FGD5: variants seen among roughly 807,000 people sequenced by gnomAD.
FGD5 encodes FYVE, RhoGEF and PH domain-containing protein 5.
In FGD5, 28 loss-of-function variants were observed where a neutral mutation model predicts 133.4. The observed-to-expected ratio is 0.21, with a 90% CI of 0.16 to 0.29. FGD5 has a LOEUF of 0.29. FGD5 is among the 10% of genes least tolerant of loss of function. The pLI is 1.00. For missense variants in FGD5, 1,858 were observed against 1,895.2 expected, an observed-to-expected ratio of 0.98 and a Z score of 0.36; for synonymous variants, 810 against 776.5, an observed-to-expected ratio of 1.04 and a Z score of -0.72.
intron 1 of FGD5, among the ~76,000 whole-genome samples, chr3:14,845,617 G>A (rs947784502): frequency 1.3e-5 from 2 of 152,178 alleles, no homozygotes; most frequent in African/African-American, 2.4e-5. Context: ...GGATGTGGGA[G>A]AGTTTATCAA....
chr3:14,814,403 G>T (rs2036338853), upstream of FGD5, among the ~76,000 whole-genome samples: 1 of 152,078 alleles, frequency 6.6e-6, no homozygotes, highest in Non-Finnish European at 1.5e-5. Flanking sequence ...CTCTTTTCTG[G>T]GTCTTCTCTA....
intron 10 of FGD5, among the ~76,000 whole-genome samples, chr3:14,909,433 A>G (rs553574073): frequency 6.6e-6 from 1 of 152,370 alleles, no homozygotes; most frequent in Admixed American, 6.5e-5. Flanking sequence ...CCATATTCAT[A>G]AAAAAGAAGG....
intron 9 of FGD5, among the ~76,000 whole-genome samples, chr3:14,905,648 G>A (rs1187257136): frequency 6.6e-6 from 1 of 151,874 alleles, no homozygotes; most frequent in Non-Finnish European, 1.5e-5. Context: ...TTCCATCTCT[G>A]CCAAAATCCT....
upstream of FGD5, among the ~76,000 whole-genome samples, chr3:14,817,242 C>T (rs188748391): frequency 7.2e-5 from 11 of 152,208 alleles, no homozygotes; most frequent in South Asian, 8.3e-4. Flanking sequence ...GTCACCCAGG[C>T]GGGAGTTCAG....
chr3:14,923,155 C>T lies in FGD5; in HGVS notation c.3917C>T (p.Ala1306Val), dbSNP rs892642932. ...GGGGAGCTGAAGAAGCGGGGCAGGGCTGTCCCGGGCCTGATGAGAGGTAAC... is the reference window on the plus strand; with the variant it reads ...GGGGAGCTGAAGAAGCGGGGCAGGGTTGTCCCGGGCCTGATGAGAGGTAAC... ...CFGELKKRGR[A>V]VPGLMRERPV... The change falls in exon 16 of 20, where the codon GCT (alanine) becomes GTT (valine). Residue 1306 changes from alanine to valine, a missense_variant. Transcript: ENST00000285046. 4 of 1,613,478 alleles carry T rather than the reference C, an allele frequency of 2.5e-6. No individual in the cohort carries two copies. The highest frequency in any genetic ancestry group is 1.7e-6 in the Non-Finnish European group (2 of 1,179,798).
At chr3:14,902,070 TC>T (rs372434659) in intron 9 of FGD5, among the ~76,000 whole-genome samples, 12 of 151,606 alleles carry the variant, frequency 7.9e-5, no homozygotes, top group African/African-American at 2.9e-4. Flanking sequence ...TCACTTGAGG[TC>T]AGGAGTTCAA....
At chr3:14,823,107 G>C (rs1343362123) in intron 1 of FGD5, among the ~76,000 whole-genome samples, 1 of 152,176 alleles carries the variant, frequency 6.6e-6, no homozygotes, top group Non-Finnish European at 1.5e-5. Context: ...GGACTCGTGC[G>C]AGCTGCAAGA....
intron 2 of FGD5, among the ~76,000 whole-genome samples, chr3:14,874,868 A>C (rs957226035): frequency 6.6e-6 from 1 of 152,212 alleles, no homozygotes; most frequent in East Asian, 1.9e-4. Context: ...AGTCAGCATG[A>C]TCTGGAAACT....
At chr3:14,872,734 GCCT>G (rs2037636107) in intron 2 of FGD5, among the ~76,000 whole-genome samples, 1 of 152,222 alleles carries the variant, frequency 6.6e-6, no homozygotes, top group Non-Finnish European at 1.5e-5. Flanking sequence ...TCAGTGCACA[GCCT>G]CCTCAAACCA....
In FGD5 at chr3:14,820,809, G is replaced by C; in HGVS notation, c.1738G>C (p.Glu580Gln). The change falls in exon 1 of 20, where the codon GAG (glutamate) becomes CAG (glutamine). Residue 580 changes from glutamate (E) to glutamine (Q), a missense_variant. Around this residue, in one of 3 missense-constraint regions of FGD5, gnomAD observed 1,824 missense variants for 1,848.9 expected, o/e 0.99. Coordinates refer to ENST00000285046, the MANE Select transcript of FGD5 (RefSeq NM_152536.4). The stretch of plus-strand genomic sequence containing the variant: ...GGATGACCACAGGATAAAGAGGAAA[G>C]AGGACAATCTCTCTCTGTCGTGTGT... ...GLDDHRIKRKEDNLSLSCVIG... is the reference protein window; with the variant it reads ...GLDDHRIKRKQDNLSLSCVIG... The C allele has an allele frequency of 6.2e-7, 1 of 1,613,926 alleles. No homozygotes were observed. Among genetic ancestry groups the C allele is most frequent in the Non-Finnish European group, 8.5e-7 (1 of 1,179,880 alleles).
intron 4 of FGD5, among the ~76,000 whole-genome samples, chr3:14,889,343 C>G (rs2037982591): frequency 6.6e-6 from 1 of 152,198 alleles, no homozygotes; most frequent in Non-Finnish European, 1.5e-5. Flanking sequence ...GGAATGGAAT[C>G]ATAAATTAGG....
chr3:14,905,454 G>A (rs1403897916), intron 9 of FGD5, among the ~76,000 whole-genome samples: 1 of 152,042 alleles, frequency 6.6e-6, no homozygotes, highest in Non-Finnish European at 1.5e-5. Context: ...AATCCTCTTG[G>A]ATGCTCTGTT....
rs574956959 is a variant in FGD5 at position 14,859,268 on chromosome 3, G to A, written c.2526-4860G>A. Among the ~76,000 whole-genome samples the A allele has an allele frequency of 3.3e-4, 50 of 152,254 alleles. No individual in the cohort carries two copies. The South Asian group carries it at 9.3e-3, about 28-fold the overall frequency. ...TATGGTAAGACATTTGAAAGTTACTGTTAGTTGGCCAGGCACAGTGGCTCG... is the reference window on the plus strand; with the variant it reads ...TATGGTAAGACATTTGAAAGTTACTATTAGTTGGCCAGGCACAGTGGCTCG... On this transcript the variant is annotated intron_variant, in intron 1 of 19. Coordinates refer to ENST00000285046, the MANE Select transcript of FGD5 (RefSeq NM_152536.4).
chr3:14,923,640 C>A (rs542222115), intron 16 of FGD5, among the ~76,000 whole-genome samples: 1 of 152,274 alleles, frequency 6.6e-6, no homozygotes, highest in African/African-American at 2.4e-5. Flanking sequence ...AAGGGACAGG[C>A]CTTGCCCAAG....
intron 1 of FGD5, among the ~76,000 whole-genome samples, chr3:14,861,339 C>A (rs1400237756): frequency 6.6e-6 from 1 of 152,158 alleles, no homozygotes; most frequent in Non-Finnish European, 1.5e-5. Flanking sequence ...TTAAACACAG[C>A]CAACAAACAG....
At chr3:14,811,666 C>G (rs2036296684) in intron 1 of FGD5, among the ~76,000 whole-genome samples, 1 of 152,102 alleles carries the variant, frequency 6.6e-6, no homozygotes, top group Non-Finnish European at 1.5e-5. Context: ...TGTTTGAAAT[C>G]GCAGGGATCC....
chr3:14,898,755 G>A lies in FGD5; in HGVS notation c.3083G>A (p.Gly1028Asp), dbSNP rs1166871937. The change falls in exon 7 of 20, where the codon GGC becomes GAC. Residue 1028 changes from glycine (G) to aspartate (D), a missense_variant. Around this residue, in one of 3 missense-constraint regions of FGD5, gnomAD observed 1,824 missense variants for 1,848.9 expected, o/e 0.99. Transcript: ENST00000285046. ...VREFEQSVQG[G>D]SQTAKHRLLR... ...TGAGAGCAGCAGAGTGTACAAGGAG[G>A]CAGCCAGACTGCGAAGCATCGGCTG... The A allele has an allele frequency of 6.3e-7, 1 of 1,585,038 alleles. No individual in the cohort carries two copies. Among genetic ancestry groups the A allele is most frequent in the South Asian group, 1.2e-5 (1 of 86,496 alleles).
chr3:14,869,561 A>C (rs570030378), intron 2 of FGD5, among the ~76,000 whole-genome samples: 74 of 152,226 alleles, frequency 4.9e-4, no homozygotes, highest in African/African-American at 1.7e-3. Context: ...CCTCTTCCCA[A>C]ACTGAAACTC....
intron 4 of FGD5, among the ~76,000 whole-genome samples, chr3:14,882,646 C>T (rs371875192): frequency 1.3e-5 from 2 of 149,952 alleles, no homozygotes; most frequent in South Asian, 2.1e-4. Context: ...TGCAGTGAGC[C>T]GAGATCGTGC....
Sources: gnomAD v4.1 joint callset for allele counts (sites outside exome capture counted in the v4.1 genomes callset) on GRCh38, gnomAD v4.1.1 for gene constraint, gnomAD v4.1.1 regional missense constraint, MANE v1.5 for transcripts, NCBI Gene and HGNC (gene_info 2026-07-23, HGNC 2026-07-21) for gene names.